Variants in LPA observed in about 807,000 individuals in gnomAD.
LPA encodes the protein lipoprotein(a), also known as apolipoprotein(a).
LPA carries 199 observed loss-of-function variants against 197.9 expected under a neutral mutation model. The observed-to-expected ratio is 1.01, with a 90% CI of 0.90 to 1.13. The LOEUF is 1.13. LPA is among the 50% of genes most tolerant of loss of function. The probability of loss-of-function intolerance (pLI) is 0.00; values close to 1 mark genes in which losing one functional copy is unlikely to be tolerated. For missense variants in LPA, 1,853 were observed against 1,785.8 expected (o/e 1.04, Z -0.68); for synonymous variants, 715 against 639.5 (o/e 1.12, Z -1.78).
At chr6:160,608,819 T>TTGTGTGTGTGTGTG (rs10526739) in intron 16 of LPA, among the ~76,000 whole-genome samples, 11 of 149,348 alleles carry the variant, frequency 7.4e-5, no homozygotes, top group Admixed American at 5.4e-4. Flanking sequence ...TTCTTGAGGG[T>TTGTGTGTGTGTGTG]TGTGTGTGTG....
At chr6:160,590,266 T>A (rs893866165) in intron 23 of LPA, among the ~76,000 whole-genome samples, 1 of 152,082 alleles carries the variant, frequency 6.6e-6, no homozygotes, top group South Asian at 2.1e-4. Context: ...CGGCGGGAAA[T>A]CTTGGGCCCA....
intron 26 of LPA, among the ~76,000 whole-genome samples, chr6:160,580,754 G>A (rs1234263567): frequency 6.6e-6 from 1 of 152,142 alleles, no homozygotes; most frequent in Non-Finnish European, 1.5e-5. Flanking sequence ...TTTTGATTAG[G>A]TTGTTTGTCC....
In LPA at chr6:160,595,408, G is replaced by A. The variant is rs1315121463; in HGVS notation, c.3415C>T (p.Leu1139Phe). ...TQCLVTESSV[L>F]ATLTVVPDPS... Reference sequence around the variant, plus strand: ...TCTGGGACCACCGTGAGAGTTGCAAGGACACTTGATTCTGTCACCAGGCAT... The same window carrying A: ...TCTGGGACCACCGTGAGAGTTGCAAAGACACTTGATTCTGTCACCAGGCAT... The change falls in exon 21 of 39, where the codon CTT becomes TTT. Residue 1139 changes from leucine to phenylalanine, a missense_variant. By Grantham distance (22) the Leu-to-Phe change is conservative (BLOSUM62 0). This residue lies in a region of LPA where 1,737 missense variants were observed against 1,504.4 expected (regional missense o/e 1.15). Coordinates refer to ENST00000316300, the MANE Select transcript of LPA (RefSeq NM_005577.4). The A allele has an allele frequency of 6.2e-7, 1 of 1,613,846 alleles. No homozygotes were observed. Among genetic ancestry groups the A allele is most frequent in the Non-Finnish European group, 8.5e-7 (1 of 1,179,920 alleles).
At position 160,609,487 on chromosome 6, in the gene LPA, C is replaced by T. The variant is rs1442315224; in HGVS notation, c.2603+2075G>A. ...TTCTTCTTATATCCTTGCCTTGTTA[C>T]CTTTGAACTGTGATGTAGAGAAGTG... On this transcript the variant is annotated intron_variant, in intron 16 of 38. Coordinates refer to ENST00000316300, the MANE Select transcript of LPA (RefSeq NM_005577.4). Among the ~76,000 whole-genome samples the T allele has an allele frequency of 3.9e-5, 6 of 152,100 alleles. No homozygotes were observed. The East Asian group carries it at 1.2e-3, about 29-fold the overall frequency.
intron 20 of LPA, among the ~76,000 whole-genome samples, chr6:160,599,072 G>T (rs376262114): frequency 1.3e-5 from 2 of 152,138 alleles, no homozygotes; most frequent in African/African-American, 4.8e-5. Flanking sequence ...AGCCAGGCAC[G>T]GTGGCTCACG....
chr6:160,609,110 ATC>A (rs1180222921), intron 16 of LPA, among the ~76,000 whole-genome samples: 4 of 152,080 alleles, frequency 2.6e-5, no homozygotes, highest in African/African-American at 9.7e-5. Flanking sequence ...TGAAATAGTT[ATC>A]TTAGTCATAT....
At chr6:160,594,242 C>T in intron 21 of LPA, 125 bp from the exon 22 acceptor site, 2 of 1,152,142 alleles carry the variant, frequency 1.7e-6, no homozygotes, top group Non-Finnish European at 2.6e-6. Flanking sequence ...TCTGTACTAG[C>T]AGGCAGATGG....
At chr6:160,575,175 T>C (rs2115028174) in intron 28 of LPA, among the ~76,000 whole-genome samples, 1 of 152,336 alleles carries the variant, frequency 6.6e-6, no homozygotes, top group Non-Finnish European at 1.5e-5. Context: ...TGATTAGTTT[T>C]CTTGAATCTG....
chr6:160,565,459 G>T (rs1333327039), intron 28 of LPA, among the ~76,000 whole-genome samples: 2 of 152,192 alleles, frequency 1.3e-5, no homozygotes, highest in Non-Finnish European at 1.5e-5. Context: ...GCAGCTGAGG[G>T]TCCTGACTGT....
Position 160,557,703 on chromosome 6 carries a change from A to G in LPA, c.4632-132T>C, listed in dbSNP as rs530268326. 7.2e-5 allele frequency: 54 copies of G among 751,938 alleles called. No individual in the cohort carries two copies. The East Asian group carries it at 1.4e-3, about 19-fold the overall frequency. 46.6% of individuals were successfully genotyped at this position (751,938 alleles called of 1,614,324 possible). ...ATATTCCCATTTTAGGTACAATAAT[A>G]TTCCGAAAAGCAAAAACGGTCCTCA... On this transcript the variant is annotated intron_variant, in intron 28 of 38. Coordinates refer to ENST00000316300, the MANE Select transcript of LPA (RefSeq NM_005577.4).
chr6:160,606,977 G>A (rs1256908296), intron 16 of LPA, among the ~76,000 whole-genome samples: 1 of 152,000 alleles, frequency 6.6e-6, no homozygotes, highest in Non-Finnish European at 1.5e-5. Context: ...CCATCTCTCT[G>A]GAATAACTGG....
chr6:160,547,837 G>T lies in LPA; in HGVS notation c.5256C>A (p.His1752Gln), dbSNP rs369329857. The T allele has an allele frequency of 5.6e-6, 9 of 1,614,020 alleles. No individual in the cohort carries two copies. Among genetic ancestry groups the T allele is most frequent in the Non-Finnish European group, 6.8e-6 (8 of 1,180,030 alleles). Residue 1752 changes from histidine (H) to glutamine (Q), a missense_variant, in exon 32 of 39, where the codon CAC becomes CAA. Coordinates refer to ENST00000316300, the MANE Select transcript of LPA (RefSeq NM_005577.4). ...TATTTGTCCCTGGAATGAACGTGCT[G>T]TGTCTATGGGGCTCCTGGGCAGCCC... ...QEWAAQEPHRHSTFIPGTNKW... is the reference protein window; with the variant it reads ...QEWAAQEPHRQSTFIPGTNKW...
At chr6:160,533,768 C>CA (rs1228404970) in intron 37 of LPA, among the ~76,000 whole-genome samples, 1 of 152,160 alleles carries the variant, frequency 6.6e-6, no homozygotes, top group Non-Finnish European at 1.5e-5. Context: ...TTCTAATTTA[C>CA]ACTTCCTTGA....
At position 160,576,390 on chromosome 6, in the gene LPA, GTATATA is replaced by G. The variant is rs140486548; in HGVS notation, c.4631+740_4631+745del. Among the ~76,000 whole-genome samples, 430 of 45,760 alleles carry G rather than the reference GTATATA, an allele frequency of 9.4e-3. 9 individuals are homozygous for G. The highest frequency in any genetic ancestry group is 0.033 in the East Asian group (51 of 1,540). 30.0% of individuals were successfully genotyped at this position (45,760 alleles called of 152,430 possible). A position where few individuals can be genotyped will look rare whatever the true frequency, so the allele number is the denominator to read the frequency against. On this transcript the variant is annotated intron_variant, in intron 28 of 38. Coordinates refer to ENST00000316300, the MANE Select transcript of LPA (RefSeq NM_005577.4). Reference sequence around the variant, plus strand: ...TACATATATATATATATATATATATGTATATATATATATATATATATATATGGGTAT... The same window carrying G: ...TACATATATATATATATATATATATGTATATATATATATATATATGGGTAT...
At chr6:160,592,194 C>A (rs946352010) in intron 22 of LPA, among the ~76,000 whole-genome samples, 1 of 152,050 alleles carries the variant, frequency 6.6e-6, no homozygotes, top group Non-Finnish European at 1.5e-5. Flanking sequence ...GTCCTTGAGG[C>A]TCTGTTGATT....
intron 21 of LPA, 81 bp downstream of exon 21, chr6:160,595,273 A>C: frequency 6.5e-7 from 1 of 1,533,430 alleles, no homozygotes; most frequent in Non-Finnish European, 9.0e-7. Flanking sequence ...TGAGCATGGA[A>C]GGCTTCTATA....
intron 16 of LPA, among the ~76,000 whole-genome samples, chr6:160,609,291 T>C (rs879581627): frequency 2.0e-5 from 3 of 152,120 alleles, no homozygotes; most frequent in Non-Finnish European, 4.4e-5. Flanking sequence ...AGGCATTTTA[T>C]TGCTGGATTC....
In LPA at chr6:160,605,061, G is replaced by A; in HGVS notation, c.2930C>T (p.Ala977Val). The A allele has an allele frequency of 1.2e-6, 2 of 1,613,784 alleles. No individual in the cohort carries two copies. Among genetic ancestry groups the A allele is most frequent in the Non-Finnish European group, 1.7e-6 (2 of 1,179,772 alleles). ...MTPHSHSRTP[A>V]YYPNAGLIKN... ...ATAGACATACGCATTTGGGTAGTAT[G>A]CTGGGGTCCGACTATGCGAGTGTGG... Residue 977 changes from alanine (A) to valine (V), a missense_variant, in exon 18 of 39, where the codon GCA becomes GTA. Ala to Val is a moderately conservative substitution (Grantham distance 64, BLOSUM62 0). Around this residue, in one of 3 missense-constraint regions of LPA, gnomAD observed 1,737 missense variants for 1,504.4 expected, o/e 1.15. Coordinates refer to ENST00000316300, the MANE Select transcript of LPA (RefSeq NM_005577.4).
intron 37 of LPA, 76 bp from the exon 38 acceptor site, chr6:160,532,725 A>G: frequency 1.0e-6 from 1 of 988,768 alleles, no homozygotes; most frequent in South Asian, 1.3e-5. Context: ...AGAACAGAGC[A>G]GTGGAGCTGG....
Sources: allele counts gnomAD v4.1 joint callset (sites outside exome capture counted in the v4.1 genomes callset), GRCh38; gene constraint gnomAD v4.1.1; regional missense constraint gnomAD v4.1.1; transcripts MANE v1.5; gene names NCBI Gene and HGNC (gene_info 2026-07-23, HGNC 2026-07-21).